Variants in RIC1 observed in about 807,000 individuals in gnomAD.
RIC1 encodes the protein RIC1 partner of RAB6A GEF complex.
A neutral mutation model predicts 169.0 loss-of-function variants in RIC1; 88 were observed. The observed-to-expected ratio is 0.52, with a 90% CI of 0.44 to 0.62. The LOEUF is 0.62. RIC1 is among the 20% of genes least tolerant of loss of function. RIC1 has a pLI of 0.00. For missense variants in RIC1, 1,877 were observed against 1,725.5 expected, an observed-to-expected ratio of 1.09 and a Z score of -1.56; for synonymous variants, 790 against 601.5, an observed-to-expected ratio of 1.31 and a Z score of -4.59.
At chr9:5,747,571 T>C in intron 12 of RIC1, 66 bp downstream of exon 12, 2 of 1,360,956 alleles carry the variant, frequency 1.5e-6, no homozygotes, top group Non-Finnish European at 2.1e-6. Context: ...GAACAGATTA[T>C]TAAATATTTC....
intron 4 of RIC1, among the ~76,000 whole-genome samples, chr9:5,717,587 A>G (rs865836604): frequency 8.5e-5 from 13 of 152,154 alleles, no homozygotes; most frequent in South Asian, 4.1e-4. Context: ...GCTCACACCT[A>G]TAATCCCAGC....
chr9:5,758,854 C>A (rs1826168498), intron 17 of RIC1, among the ~76,000 whole-genome samples: 1 of 151,022 alleles, frequency 6.6e-6, no homozygotes, highest in South Asian at 2.1e-4. Flanking sequence ...AAGCAATTCT[C>A]CCGCCTCAGC....
chr9:5,743,492 C>T (rs557815048), intron 9 of RIC1, among the ~76,000 whole-genome samples, 197 bp from the exon 10 acceptor site: 43 of 152,228 alleles, frequency 2.8e-4, no homozygotes, highest in African/African-American at 1.0e-3. Context: ...GGCAAGAAGT[C>T]ACTTGGACCT....
Position 5,641,343 on chromosome 9 carries a change from G to T in RIC1, c.144+11890G>T, listed in dbSNP as rs111723409. Among the ~76,000 whole-genome samples the T allele has an allele frequency of 2.3e-3, 355 of 151,852 alleles. 4 individuals carry two copies. The highest frequency in any genetic ancestry group is 8.1e-3 in the African/African-American group (336 of 41,404). ...CCTGACCTCATGATCTGCCCGCCTC[G>T]GCCTCCCAAAGTGCTGGGATTACAG... On this transcript the variant is annotated intron_variant, in intron 1 of 25. Coordinates refer to ENST00000414202, the MANE Select transcript of RIC1 (RefSeq NM_020829.4).
rs562319321 is a variant in RIC1 at position 5,769,475 on chromosome 9, A to G, written c.3424+219A>G. ...TCTAAGTCTTGTGACCTTGAAGTCT[A>G]ATTCAAAAATCTAATCATACTTGGA... On this transcript the variant is annotated intron_variant, in intron 22 of 25. Coordinates refer to ENST00000414202, the MANE Select transcript of RIC1 (RefSeq NM_020829.4). 36 of 1,444,236 alleles carry G rather than the reference A, an allele frequency of 2.5e-5. 1 individual carries two copies. The African/African-American group carries it at 5.1e-4, about 21-fold the overall frequency. The allele number at this position is 1,444,236 out of a possible 1,614,324, so 89.5% of individuals were successfully genotyped here.
intron 1 of RIC1, among the ~76,000 whole-genome samples, chr9:5,630,380 T>C (rs1183060323): frequency 6.6e-6 from 1 of 152,190 alleles, no homozygotes; most frequent in Non-Finnish European, 1.5e-5. Context: ...AGAGTGAAGT[T>C]TTTCTCCTTT....
At chr9:5,701,778 T>G (rs929823960) in intron 3 of RIC1, among the ~76,000 whole-genome samples, 3 of 152,164 alleles carry the variant, frequency 2.0e-5, no homozygotes. Context: ...TCCAAACAAT[T>G]TTGCTTTTAG....
At chr9:5,770,026 A>T (rs1267172028) in intron 22 of RIC1, 61 bp from the exon 23 acceptor site, 2 of 1,415,910 alleles carry the variant, frequency 1.4e-6, no homozygotes, top group South Asian at 2.7e-5. Context: ...TGAATTGAAA[A>T]TGTCAGTGTG....
intron 1 of RIC1, among the ~76,000 whole-genome samples, chr9:5,640,857 C>G (rs1014355186): frequency 1.3e-5 from 2 of 152,120 alleles, no homozygotes; most frequent in African/African-American, 4.8e-5. Flanking sequence ...GATATTTTCA[C>G]TGGATATACT....
At chr9:5,766,105 CA>C (rs1382857864) in intron 21 of RIC1, among the ~76,000 whole-genome samples, 3 of 152,120 alleles carry the variant, frequency 2.0e-5, no homozygotes, top group African/African-American at 7.2e-5. Context: ...GCAGTGGCAC[CA>C]TCTCAGCTCA....
At chr9:5,665,161 T>C (rs1194372778) in intron 2 of RIC1, among the ~76,000 whole-genome samples, 4 of 152,186 alleles carry the variant, frequency 2.6e-5, no homozygotes. Context: ...TTTATTGTTA[T>C]GTAATGCCCT....
At chr9:5,689,239 G>T (rs1340305804) in intron 2 of RIC1, among the ~76,000 whole-genome samples, 1 of 151,672 alleles carries the variant, frequency 6.6e-6, no homozygotes, top group Non-Finnish European at 1.5e-5. Flanking sequence ...TTTTAGTAGA[G>T]ACAGGGTTTC....
At position 5,772,706 on chromosome 9, in the gene RIC1, C is replaced by T. The variant is rs946910123; in HGVS notation, c.3759C>T (p.Ala1253=). The T allele has an allele frequency of 6.2e-6, 10 of 1,610,676 alleles. No individual in the cohort carries two copies. The highest frequency in any genetic ancestry group is 7.6e-6 in the Non-Finnish European group (9 of 1,179,136). ...SELEHISMEL[A]SKGPHKSQVQ... ...TGGAGCACATTTCCATGGAGTTGGC[C>T]AGTAAAGGGCCTCATAAATCCCAGG... The change falls in exon 24 of 26, where the codon GCC becomes GCT. Residue 1253 remains alanine (A), a synonymous_variant. Coordinates refer to ENST00000414202, the MANE Select transcript of RIC1 (RefSeq NM_020829.4).
At chr9:5,711,834 T>C (rs1822946237) in intron 3 of RIC1, among the ~76,000 whole-genome samples, 1 of 152,190 alleles carries the variant, frequency 6.6e-6, no homozygotes, top group East Asian at 1.9e-4. Context: ...TGTTTGGTTT[T>C]TTGTCCTTGC....
rs752385433 is a variant in RIC1 at position 5,720,271 on chromosome 9, A to G, written c.530A>G (p.Lys177Arg). 1 of 1,613,770 alleles carries G rather than the reference A, an allele frequency of 6.2e-7. No individual in the cohort carries two copies. Among genetic ancestry groups the G allele is most frequent in the Non-Finnish European group, 8.5e-7 (1 of 1,179,690 alleles). ...IHWEGMTNGRKAINLCTVPFS... is the reference protein window; with the variant it reads ...IHWEGMTNGRRAINLCTVPFS... ...TGGGAAGGAATGACAAATGGAAGGA[A>G]AGCCATTAATCTTTGCACAGTACCC... Residue 177 changes from lysine (K) to arginine (R), a missense_variant, in exon 5 of 26, where the codon AAA becomes AGA. Physicochemically the swap from Lys to Arg is conservative, Grantham distance 26 (BLOSUM62 2). Around this residue, in one of 3 missense-constraint regions of RIC1, gnomAD observed 1,104 missense variants for 992.0 expected, o/e 1.11. Coordinates refer to ENST00000414202, the MANE Select transcript of RIC1 (RefSeq NM_020829.4).
chr9:5,778,413 G>A (rs1827693148), downstream of RIC1, among the ~76,000 whole-genome samples: 2 of 152,150 alleles, frequency 1.3e-5, no homozygotes, highest in Admixed American at 1.3e-4. Flanking sequence ...GTCCTGGCTA[G>A]AGCCACTAGT....
intron 1 of RIC1, among the ~76,000 whole-genome samples, chr9:5,637,610 A>G (rs894821551): frequency 3.3e-5 from 5 of 152,028 alleles, no homozygotes; most frequent in Admixed American, 2.6e-4. Flanking sequence ...CTATCCCCCC[A>G]GTTACCTTTC....
intron 3 of RIC1, among the ~76,000 whole-genome samples, chr9:5,711,971 A>C (rs1199807923): frequency 6.6e-6 from 1 of 152,128 alleles, no homozygotes; most frequent in Non-Finnish European, 1.5e-5. Flanking sequence ...AATCCAGTCT[A>C]TCATTGTTGA....
intron 8 of RIC1, among the ~76,000 whole-genome samples, chr9:5,739,436 C>G (rs1824930017): frequency 6.6e-6 from 1 of 152,154 alleles, no homozygotes; most frequent in South Asian, 2.1e-4. Flanking sequence ...AATATCCATT[C>G]CCATGCCTAC....
Sources: allele counts gnomAD v4.1 joint callset (sites outside exome capture counted in the v4.1 genomes callset), GRCh38; gene constraint gnomAD v4.1.1; regional missense constraint gnomAD v4.1.1; transcripts MANE v1.5; gene names NCBI Gene and HGNC (gene_info 2026-07-23, HGNC 2026-07-21).